The following SPTBN4 variants were observed in gnomAD, a reference collection of about 807,000 sequenced individuals.
SPTBN4 encodes the protein spectrin beta, non-erythrocytic 4.
A neutral mutation model predicts 277.8 loss-of-function variants in SPTBN4; 96 were observed. The ratio of observed to expected loss-of-function variants is 0.35; its 90% confidence interval spans 0.29 to 0.41. SPTBN4 has a LOEUF of 0.41. SPTBN4 is among the 10% of genes least tolerant of loss of function. SPTBN4 has a pLI of 1.00. For synonymous variants in SPTBN4, 1,481 were observed against 1,580.3 expected, an observed-to-expected ratio of 0.94 and a Z score of 1.49; for missense variants, 3,006 against 3,595.7, an observed-to-expected ratio of 0.84 and a Z score of 4.19.
rs2080952908 is a variant in SPTBN4 at position 40,554,357 on chromosome 19, G to A, written c.4885G>A (p.Asp1629Asn). The A allele has an allele frequency of 6.3e-7, 1 of 1,582,514 alleles. No homozygotes were observed. Among genetic ancestry groups the A allele is most frequent in the Non-Finnish European group, 8.5e-7 (1 of 1,169,900 alleles). ...AAFQVEQYYF[D>N]VAEVEAWLGE... is the part of the protein sequence containing the mutation. ...CTTCCAGGTGGAGCAGTACTACTTC[G>A]ACGTGGCTGAGGTGGAGGCGTGGCT... Residue 1629 changes from aspartate (D) to asparagine (N), a missense_variant, in exon 23 of 36, where the codon GAC (aspartate) becomes AAC (asparagine). Transcript: ENST00000598249. This position sits in a 1 kb window ranked among gnomAD's most constrained non-coding sequence, Gnocchi z 5.7.
At chr19:40,566,797 T>C (rs762275407) in intron 30 of SPTBN4, among the ~76,000 whole-genome samples, 61 of 151,830 alleles carry the variant, frequency 4.0e-4, no homozygotes, top group Non-Finnish European at 7.4e-4. Context: ...AAACCCCATC[T>C]CTACTAAAAA....
In SPTBN4 at chr19:40,565,520, G is replaced by A; in HGVS notation, c.6013G>A (p.Gly2005Arg). Reference protein sequence around the residue: ...VPELTTCQELGRSLLLNKSAM... With the variant: ...VPELTTCQELRRSLLLNKSAM... ...TGAGCTGACCACCTGCCAGGAGCTGGGGCGATCTCTGCTGCTCAACAAAAG... is the reference window on the plus strand; with the variant it reads ...TGAGCTGACCACCTGCCAGGAGCTGAGGCGATCTCTGCTGCTCAACAAAAG... Residue 2005 changes from glycine (G) to arginine (R), a missense_variant, in exon 28 of 36, where the codon GGG (glycine) becomes AGG (arginine). This residue lies in a region of SPTBN4 where 425 missense variants were observed against 594.7 expected (regional missense o/e 0.71). Coordinates refer to ENST00000598249, the MANE Select transcript of SPTBN4 (RefSeq NM_020971.3). The A allele has an allele frequency of 6.2e-7, 1 of 1,614,148 alleles. No individual in the cohort carries two copies. Among genetic ancestry groups the A allele is most frequent in the Non-Finnish European group, 8.5e-7 (1 of 1,180,014 alleles).
intron 6 of SPTBN4, among the ~76,000 whole-genome samples, chr19:40,496,336 G>A (rs1456354844): frequency 6.6e-6 from 1 of 152,172 alleles, no homozygotes; most frequent in African/African-American, 2.4e-5. Flanking sequence ...TTTTAGTAGA[G>A]ATGAGGTTTC....
In SPTBN4 at chr19:40,556,154, C is replaced by T. The variant is rs975457285; in HGVS notation, c.5155C>T (p.Arg1719Cys). The change falls in exon 25 of 36, where the codon CGC (arginine) becomes TGC (cysteine). Residue 1719 changes from arginine to cysteine, a missense_variant. By Grantham distance (180) the Arg-to-Cys change is radical. Coordinates refer to ENST00000598249, the MANE Select transcript of SPTBN4 (RefSeq NM_020971.3). ...GGCGCTCAAGGAGCTGGGTGAGGAGCGCCGGGTGGCTCTGGAACAGCAGTA... is the reference window on the plus strand; with the variant it reads ...GGCGCTCAAGGAGCTGGGTGAGGAGTGCCGGGTGGCTCTGGAACAGCAGTA... ...YVALKELGEE[R>C]RVALEQQYWL... The T allele has an allele frequency of 3.1e-6, 5 of 1,613,092 alleles. No homozygotes were observed. Among genetic ancestry groups the T allele is most frequent in the East Asian group, 2.2e-5 (1 of 44,894 alleles).
rs200173110 is a variant in SPTBN4 at position 40,502,167 on chromosome 19, C to T, written c.937C>T (p.Arg313Cys). 28 of 1,614,076 alleles carry T rather than the reference C, an allele frequency of 1.7e-5. No homozygotes were observed. In the East Asian group the frequency reaches 1.8e-4, roughly 10 times the overall value. ...QVLEVGKIIE[R>C]YEELAAELLA... is the part of the protein sequence containing the mutation. ...ATTGGAGGTGGGGAAGATCATAGAA[C>T]GCTACGAGGAGCTGGCGGCTGAGCT... The change falls in exon 9 of 36, where the codon CGC becomes TGC. Residue 313 changes from arginine to cysteine, a missense_variant. Physicochemically the swap from Arg to Cys is radical, Grantham distance 180 (BLOSUM62 -3). Coordinates refer to ENST00000598249, the MANE Select transcript of SPTBN4 (RefSeq NM_020971.3). The surrounding 1 kb of genome is among the most constrained non-coding windows in gnomAD (Gnocchi z 4.9).
rs377362233 is a variant in SPTBN4 at position 40,490,343 on chromosome 19, T to C, written c.495+95T>C. Reference sequence around the variant, plus strand: ...CATTCATTCTTTCCTTCCAATAATATCCTAATATGCTGGAATCCTATTCCA... The same window carrying C: ...CATTCATTCTTTCCTTCCAATAATACCCTAATATGCTGGAATCCTATTCCA... On this transcript the variant is annotated intron_variant, in intron 4 of 35. Coordinates refer to ENST00000598249, the MANE Select transcript of SPTBN4 (RefSeq NM_020971.3). This position sits in a 1 kb window ranked among gnomAD's most constrained non-coding sequence, Gnocchi z 4.3. 7.1e-7 allele frequency: 1 copy of C among 1,409,462 alleles called. No individual in the cohort carries two copies. Among genetic ancestry groups the C allele is most frequent in the East Asian group, 2.4e-5 (1 of 41,274 alleles). The allele number at this position is 1,409,462 out of a possible 1,614,324, so 87.3% of individuals were successfully genotyped here.
intron 2 of SPTBN4, among the ~76,000 whole-genome samples, chr19:40,480,011 G>A (rs970598676): frequency 2.0e-5 from 3 of 151,990 alleles, no homozygotes; most frequent in Admixed American, 1.3e-4. Flanking sequence ...CAGCACTTTG[G>A]GAGGCAGAGG....
At chr19:40,545,099 A>T (rs1356738505) in intron 20 of SPTBN4, among the ~76,000 whole-genome samples, 1 of 151,424 alleles carries the variant, frequency 6.6e-6, no homozygotes, top group Non-Finnish European at 1.5e-5. Context: ...ATTATTATTT[A>T]AAAATTTTTT....
Position 40,504,137 on chromosome 19 carries a change from CGGCGGGG to C in SPTBN4, c.1665+8_1665+14del. The C allele has an allele frequency of 5.1e-6, 3 of 585,318 alleles. No individual in the cohort carries two copies. The highest frequency in any genetic ancestry group is 7.1e-6 in the Non-Finnish European group (3 of 422,644). The allele number at this position is 585,318 out of a possible 1,614,324, so 36.3% of individuals were successfully genotyped here. ...GACTGGATGGAGGAGATGCAGGTGC[CGGCGGGG>C]GGGCGGGGATGCGGGTGGAGTGCCA... On this transcript the variant is annotated splice_donor_region_variant and intron_variant, in intron 12 of 35. Transcript: ENST00000598249.
intron 1 of SPTBN4, among the ~76,000 whole-genome samples, chr19:40,467,656 G>A (rs2079841957): frequency 6.6e-6 from 1 of 151,192 alleles, no homozygotes; most frequent in Non-Finnish European, 1.5e-5. Flanking sequence ...GAGGCTCGCA[G>A]GACACCCCTT....
chr19:40,518,584 C>A (rs945987970), intron 15 of SPTBN4, among the ~76,000 whole-genome samples: 2 of 151,908 alleles, frequency 1.3e-5, no homozygotes, highest in Admixed American at 6.6e-5. Flanking sequence ...AGGTGTGCAC[C>A]CCCACGCCCA....
chr19:40,570,512 G>A lies in SPTBN4; in HGVS notation c.7103G>A (p.Arg2368Gln). The change falls in exon 33 of 36, where the codon CGG (arginine) becomes CAG (glutamine). Residue 2368 changes from arginine (R) to glutamine (Q), a missense_variant. This residue lies in a region of SPTBN4 where 630 missense variants were observed against 677.6 expected (regional missense o/e 0.93). Coordinates refer to ENST00000598249, the MANE Select transcript of SPTBN4 (RefSeq NM_020971.3). ...CTTGAGCTGCCCGAGCGGACACCTC[G>A]GCCGGACCGGCCCCGGGCGCGGGAC... ...NGLELPERTPRPDRPRARDRP... is the reference protein window; with the variant it reads ...NGLELPERTPQPDRPRARDRP... 1 of 1,513,134 alleles carries A rather than the reference G, an allele frequency of 6.6e-7. No individual in the cohort carries two copies. The allele number at this position is 1,513,134 out of a possible 1,614,324, so 93.7% of individuals were successfully genotyped here.
chr19:40,471,485 A>T (rs1277064151), intron 1 of SPTBN4, among the ~76,000 whole-genome samples: 2 of 152,260 alleles, frequency 1.3e-5, no homozygotes, highest in African/African-American at 4.8e-5. Context: ...TTCTAATAAT[A>T]ACAGTGACAA....
At chr19:40,567,319 A>AAATC (rs1449315343) in intron 30 of SPTBN4, 2 of 152,858 alleles carry the variant, frequency 1.3e-5, no homozygotes, top group Non-Finnish European at 2.9e-5. Context: ...ATAAATAAAT[A>AAATC]AATAAATAAA....
intron 4 of SPTBN4, among the ~76,000 whole-genome samples, chr19:40,492,640 G>A (rs558592102): frequency 6.6e-6 from 1 of 152,294 alleles, no homozygotes; most frequent in South Asian, 2.1e-4. Flanking sequence ...CACTGTGGAT[G>A]CAGGAGTGGG....
chr19:40,570,689 G>T lies in SPTBN4; in HGVS notation c.7280G>T (p.Arg2427Leu), dbSNP rs916615433. ...HTVQHEGFLLRKRELDANRKS... is the reference protein window; with the variant it reads ...HTVQHEGFLLLKRELDANRKS... ...GTGCAGCACGAGGGCTTCCTACTGCGCAAGCGCGAGCTCGACGCTAACCGC... is the reference window on the plus strand; with the variant it reads ...GTGCAGCACGAGGGCTTCCTACTGCTCAAGCGCGAGCTCGACGCTAACCGC... The change falls in exon 33 of 36, where the codon CGC becomes CTC. Residue 2427 changes from arginine to leucine, a missense_variant. Arg to Leu is a moderately radical substitution (Grantham distance 102, BLOSUM62 -2). This residue lies in a region of SPTBN4 where 630 missense variants were observed against 677.6 expected (regional missense o/e 0.93). Transcript: ENST00000598249. The T allele has an allele frequency of 6.2e-7, 1 of 1,607,044 alleles. No individual in the cohort carries two copies. Among genetic ancestry groups the T allele is most frequent in the Non-Finnish European group, 8.5e-7 (1 of 1,177,530 alleles).
At chr19:40,573,956 G>A (rs1159122376) in intron 35 of SPTBN4, among the ~76,000 whole-genome samples, 1 of 151,582 alleles carries the variant, frequency 6.6e-6, no homozygotes, top group Non-Finnish European at 1.5e-5. Context: ...AAAAAAATTA[G>A]CTGGGCATGG....
intron 17 of SPTBN4, among the ~76,000 whole-genome samples, chr19:40,528,569 T>A (rs1488817584): frequency 6.6e-6 from 1 of 152,196 alleles, no homozygotes; most frequent in African/African-American, 2.4e-5. Context: ...CCTGTCACTT[T>A]CCCTCTCTCT....
chr19:40,504,419 C>T lies in SPTBN4; in HGVS notation c.1665+287C>T, dbSNP rs558712773. 2.6e-5 allele frequency among the ~76,000 whole-genome samples: 4 copies of T among 152,274 alleles called. No homozygotes were observed. In the South Asian group the frequency reaches 8.3e-4, roughly 32 times the overall value. On this transcript the variant is annotated intron_variant, in intron 12 of 35. Coordinates refer to ENST00000598249, the MANE Select transcript of SPTBN4 (RefSeq NM_020971.3). ...CGGTGGCTCACACCTGTAATACCAG[C>T]ACTTTGGGAGGCCAAGGAGGGCAGA...
Sources: allele counts gnomAD v4.1 joint callset (sites outside exome capture counted in the v4.1 genomes callset), GRCh38; gene constraint gnomAD v4.1.1; regional missense constraint gnomAD v4.1.1; non-coding constraint Gnocchi (gnomAD v3.1); transcripts MANE v1.5; gene names NCBI Gene and HGNC (gene_info 2026-07-23, HGNC 2026-07-21).